ZNF880: variants seen among roughly 807,000 people sequenced by gnomAD.
ZNF880 encodes zinc finger protein 880, also known as zinc finger protein LOC400713.
A neutral mutation model predicts 11.8 loss-of-function variants in ZNF880; 12 were observed. That is an observed-to-expected ratio of 1.02 (90% CI 0.65 to 1.65). The LOEUF (loss-of-function observed/expected upper bound fraction) is 1.65, where lower values mean the gene tolerates loss of function less well. Among genes scored for constraint, ZNF880 ranks in the 40% most tolerant of loss-of-function variants. The pLI, the probability that ZNF880 is intolerant of heterozygous loss-of-function variation, is 0.00. For synonymous variants in ZNF880, 210 were observed against 232.4 expected, an observed-to-expected ratio of 0.90 and a Z score of 0.88; for missense variants, 601 against 673.9, an observed-to-expected ratio of 0.89 and a Z score of 1.20.
the ZNF880 span, among the ~76,000 whole-genome samples, chr19:52,396,121 ATTTTTTTT>A: frequency 1.2e-4 from 14 of 120,612 alleles, no homozygotes; most frequent in African/African-American, 3.2e-4. Flanking sequence ...TGCCTGGCTA[ATTTTTTTT>A]TTTTTTTTTT....
downstream of ZNF880, chr19:52,388,839 T>C (rs1986966445): frequency 1.3e-5 from 2 of 152,116 alleles, no homozygotes; most frequent in South Asian, 4.1e-4. Flanking sequence ...GACTAGGTAA[T>C]TTATAAAGAA....
chr19:52,370,037 C>G, intron 1 of ZNF880, 60 bp downstream of exon 1: 1 of 1,548,284 alleles, frequency 6.5e-7, no homozygotes, highest in Non-Finnish European at 8.7e-7. Flanking sequence ...GCTTCTGTAC[C>G]CGGCATCTCA....
At chr19:52,372,150 C>T (rs1364569182) in intron 1 of ZNF880, among the ~76,000 whole-genome samples, 1 of 151,684 alleles carries the variant, frequency 6.6e-6, no homozygotes, top group Non-Finnish European at 1.5e-5. Context: ...GATTGTGCCA[C>T]TGCACTCCAG....
At chr19:52,382,512 A>G (rs1429654177) in intron 3 of ZNF880, among the ~76,000 whole-genome samples, 1 of 152,108 alleles carries the variant, frequency 6.6e-6, no homozygotes, top group East Asian at 1.9e-4. Context: ...AAGAACATCT[A>G]AATTTCTTAT....
At chr19:52,377,182 T>C (rs1374190051) in intron 3 of ZNF880, among the ~76,000 whole-genome samples, 1 of 152,162 alleles carries the variant, frequency 6.6e-6, no homozygotes, top group African/African-American at 2.4e-5. Context: ...GACCTGTGTA[T>C]GGTCCACACA....
Position 52,374,325 on chromosome 19 carries a change from ATCTC to A in ZNF880, c.167_170del (p.Ile56ThrfsTer16). On this transcript the variant is annotated frameshift_variant, in exon 3 of 4. Coordinates refer to ENST00000422689, the MANE Select transcript of ZNF880 (RefSeq NM_001145434.2). LOFTEE classifies it high-confidence loss of function. ...AATCTGTCTTCCTGACCTGAGTGTT[ATCTC>A]CATGTTGGAGCAAAGGAGAGATCCC... is the stretch of plus-strand genomic sequence containing the variant. The A allele has an allele frequency of 4.3e-6, 7 of 1,612,792 alleles. No individual in the cohort carries two copies. In the South Asian group the frequency reaches 7.7e-5, roughly 18 times the overall value.
At chr19:52,373,272 C>A in intron 2 of ZNF880, 35 bp downstream of exon 2, 1 of 1,585,240 alleles carries the variant, frequency 6.3e-7, no homozygotes, top group Non-Finnish European at 8.6e-7. Flanking sequence ...TCAAGATCTG[C>A]CCTGGTGTAT....
chr19:52,393,067 G>GT, the ZNF880 span, among the ~76,000 whole-genome samples: 657 of 141,710 alleles, frequency 4.6e-3, 2 homozygotes, highest in Admixed American at 7.1e-3. Flanking sequence ...AATCCTGTTA[G>GT]TTTTTTTTTT....
chr19:52,386,528 C>T (rs1418915596), downstream of ZNF880, among the ~76,000 whole-genome samples: 3 of 143,594 alleles, frequency 2.1e-5, no homozygotes, highest in South Asian at 2.2e-4. Context: ...TTTGGCTGGG[C>T]GCGGTGGCTC....
chr19:52,386,171 CAAAAAAAAAA>C (rs10674709), downstream of ZNF880, among the ~76,000 whole-genome samples: 1 of 77,358 alleles, frequency 1.3e-5, no homozygotes, highest in South Asian at 3.9e-4. Flanking sequence ...GACTCTGTCT[CAAAAAAAAAA>C]AAAAAAAGAA....
intron 1 of ZNF880, chr19:52,370,350 G>A (rs181301510): frequency 2.6e-5 from 7 of 270,102 alleles, no homozygotes; most frequent in Admixed American, 2.3e-4. Context: ...CCCCTTTTCT[G>A]TGCCTTAAAT....
intron 2 of ZNF880, among the ~76,000 whole-genome samples, chr19:52,373,752 C>A (rs1229563333): frequency 7.0e-6 from 1 of 141,870 alleles, no homozygotes; most frequent in Non-Finnish European, 1.5e-5. Flanking sequence ...CAGCTCAATG[C>A]AACCTCCGCC....
intron 2 of ZNF880, among the ~76,000 whole-genome samples, chr19:52,373,904 C>T (rs1263264715): frequency 1.3e-5 from 2 of 151,288 alleles, no homozygotes; most frequent in South Asian, 2.1e-4. Context: ...CTCCTGACCT[C>T]GTGATCCGCC....
chr19:52,385,176 G>T lies in ZNF880; in HGVS notation c.1596G>T (p.Lys532Asn). The T allele has an allele frequency of 6.4e-7, 1 of 1,552,774 alleles. No homozygotes were observed. The highest frequency in any genetic ancestry group is 8.7e-7 in the Non-Finnish European group (1 of 1,148,062). ...CNECGKVFSH[K>N]LYLKKHERIH... is the part of the protein sequence containing the mutation. ...AATGTGGCAAGGTCTTCAGCCACAA[G>T]TTATACCTAAAAAAACATGAGAGAA... Residue 532 changes from lysine to asparagine, a missense_variant, in exon 4 of 4, where the codon AAG becomes AAT. Around this residue, in one of 3 missense-constraint regions of ZNF880, gnomAD observed 177 missense variants for 214.5 expected, o/e 0.83. Transcript: ENST00000422689.
chr19:52,394,386 CCA>C, the ZNF880 span, among the ~76,000 whole-genome samples: 1 of 151,850 alleles, frequency 6.6e-6, no homozygotes, highest in Non-Finnish European at 1.5e-5. Context: ...CAGGCATGTG[CCA>C]CCATGGCCTG....
At chr19:52,387,866 G>GT (rs1282648885), downstream of ZNF880, among the ~76,000 whole-genome samples, 1 of 131,272 alleles carries the variant, frequency 7.6e-6, no homozygotes, top group Non-Finnish European at 1.6e-5. Flanking sequence ...GCTCAGTGAC[G>GT]TAAGTGGAAA....
At chr19:52,380,618 A>G (rs1986680729) in intron 3 of ZNF880, among the ~76,000 whole-genome samples, 1 of 152,196 alleles carries the variant, frequency 6.6e-6, no homozygotes, top group African/African-American at 2.4e-5. Context: ...GACTCTGGCA[A>G]TTGTTTTCTT....
upstream of ZNF880, among the ~76,000 whole-genome samples, chr19:52,369,670 C>T (rs2122334481): frequency 6.6e-6 from 1 of 152,192 alleles, no homozygotes; most frequent in South Asian, 2.1e-4. Context: ...ATCCGGGTAG[C>T]TAGGACCACA....
upstream of ZNF880, chr19:52,369,910 C>T: frequency 6.4e-7 from 1 of 1,551,424 alleles, no homozygotes; most frequent in East Asian, 2.4e-5. Context: ...CCTCGCCTCT[C>T]AGCTGCGCGC....
Sources: gnomAD v4.1 joint callset for allele counts (sites outside exome capture counted in the v4.1 genomes callset) on GRCh38, gnomAD v4.1.1 for gene constraint, gnomAD v4.1.1 regional missense constraint, MANE v1.5 for transcripts, NCBI Gene and HGNC (gene_info 2026-07-23, HGNC 2026-07-21) for gene names.